IRAG1: variants seen among roughly 807,000 people sequenced by gnomAD.
The protein encoded by IRAG1 is inositol 1,4,5-triphosphate receptor associated 1, also known as IP3R-associated cGMP kinase substrate.
In IRAG1, 62 loss-of-function variants were observed where a neutral mutation model predicts 106.2. The ratio of observed to expected loss-of-function variants is 0.58; its 90% CI spans 0.48 to 0.72. The LOEUF is 0.72. Among genes scored for constraint, IRAG1 ranks in the 30% least tolerant of loss-of-function variants. The pLI is 0.00. For missense variants in IRAG1, 1,064 were observed against 1,140.7 expected, an observed-to-expected ratio of 0.93 and a Z score of 0.97; for synonymous variants, 462 against 443.9, an observed-to-expected ratio of 1.04 and a Z score of -0.51.
In IRAG1 at chr11:10,659,145, CA is replaced by C. The variant is rs1481288976; in HGVS notation, c.68-6964del. 6.6e-6 allele frequency among the ~76,000 whole-genome samples: 1 copy of C among 152,256 alleles called. No individual in the cohort carries two copies. Among genetic ancestry groups the C allele is most frequent in the Non-Finnish European group, 1.5e-5 (1 of 68,046 alleles). On this transcript the variant is annotated intron_variant, in intron 1 of 20. Coordinates refer to ENST00000423302, the MANE Select transcript of IRAG1 (RefSeq NM_130385.4). The surrounding 1 kb of genome is among the most constrained non-coding windows in gnomAD (Gnocchi z 4.1). ...TGTACTCATGATGACTCCCCCAAAA[CA>C]GAGGTTTTTGTTCCACAGGTGAGAC...
rs573964197 is a variant in IRAG1 at position 10,628,710 on chromosome 11, C to G, written c.652+41G>C. On this transcript the variant is annotated intron_variant, in intron 6 of 20. Transcript: ENST00000423302. This position sits in a 1 kb window ranked among gnomAD's most constrained non-coding sequence, Gnocchi z 4.1. ...GTCCAGGCTGAGCTGCCACCCAGAG[C>G]GAGAGGCAGGGCAGGAAGTCCCCGG... The G allele has an allele frequency of 1.4e-6, 2 of 1,458,236 alleles. No individual in the cohort carries two copies. The highest frequency in any genetic ancestry group is 1.5e-5 in the African/African-American group (1 of 68,144). 90.3% of individuals were successfully genotyped at this position (1,458,236 alleles called of 1,614,324 possible).
At chr11:10,620,899 AATAG>A (rs963567602) in intron 10 of IRAG1, among the ~76,000 whole-genome samples, 1 of 152,256 alleles carries the variant, frequency 6.6e-6, no homozygotes, top group Non-Finnish European at 1.5e-5. Context: ...TTCAAAGAAC[AATAG>A]ATAGGTCAAT....
chr11:10,692,386 C>G (rs1438448136), intron 1 of IRAG1, among the ~76,000 whole-genome samples: 1 of 152,186 alleles, frequency 6.6e-6, no homozygotes, highest in African/African-American at 2.4e-5. Context: ...GGTTTGAGTC[C>G]TAGCTCCGCT....
At chr11:10,587,591 C>T (rs1305359667) in intron 18 of IRAG1, among the ~76,000 whole-genome samples, 1 of 152,166 alleles carries the variant, frequency 6.6e-6, no homozygotes, top group African/African-American at 2.4e-5. Flanking sequence ...AGTATAGAAA[C>T]ATGGTTATTT....
chr11:10,691,552 T>C (rs1177599526), intron 1 of IRAG1, among the ~76,000 whole-genome samples: 1 of 152,102 alleles, frequency 6.6e-6, no homozygotes, highest in African/African-American at 2.4e-5. Context: ...TTCAAGTAGG[T>C]TTCACATGGC....
chr11:10,633,902 T>G (rs1262685195), intron 3 of IRAG1, 66 bp downstream of exon 3: 7 of 841,166 alleles, frequency 8.3e-6, no homozygotes, highest in Admixed American at 3.1e-5. Flanking sequence ...TTTAAAAATA[T>G]AGCTGTCTGA....
At chr11:10,594,928 A>C (rs1258346360) in intron 15 of IRAG1, among the ~76,000 whole-genome samples, 1 of 152,012 alleles carries the variant, frequency 6.6e-6, no homozygotes, top group Non-Finnish European at 1.5e-5. Context: ...TTTCAAAAAA[A>C]AATTTTTTTT....
In IRAG1 at chr11:10,627,501, G is replaced by A. The variant is rs111710023; in HGVS notation, c.750+215C>T. On this transcript the variant is annotated intron_variant, in intron 8 of 20. Transcript: ENST00000423302. ...TCAGCGCTGTGAGTATTGCCTCCAC[G>A]GAGTTCACCCCCCTGAATCCTGCCT... Among the ~76,000 whole-genome samples the A allele has an allele frequency of 4.9e-3, 746 of 152,108 alleles. 4 individuals are homozygous for A. Among genetic ancestry groups the A allele is most frequent in the African/African-American group, 0.017 (702 of 41,484 alleles).
At chr11:10,654,850 C>G (rs1215663728) in intron 1 of IRAG1, among the ~76,000 whole-genome samples, 2 of 152,148 alleles carry the variant, frequency 1.3e-5, no homozygotes, top group Non-Finnish European at 2.9e-5. Flanking sequence ...TGGGGAGAAG[C>G]CACATTGGAC....
rs1437564643 is a variant in IRAG1 at position 10,680,402 on chromosome 11, AAG to A, written c.67+13132_67+13133del. On this transcript the variant is annotated intron_variant, in intron 1 of 20. Coordinates refer to ENST00000423302, the MANE Select transcript of IRAG1 (RefSeq NM_130385.4). ...GAAGGAAGGAAGGAAGGAAGGAAGG[AAG>A]GAAAGAAAGGGAAAGAAAGAAAGAG... 6.1e-3 allele frequency among the ~76,000 whole-genome samples: 786 copies of A among 129,760 alleles called. 21 individuals are homozygous for A. Among genetic ancestry groups the A allele is most frequent in the Middle Eastern group, 7.2e-3 (2 of 276 alleles). 85.1% of individuals were successfully genotyped at this position (129,760 alleles called of 152,430 possible).
chr11:10,633,287 G>C lies in IRAG1; in HGVS notation c.329+681C>G, dbSNP rs184877598. Among the ~76,000 whole-genome samples, 11 of 152,228 alleles carry C rather than the reference G, an allele frequency of 7.2e-5. No individual in the cohort carries two copies. The South Asian group carries it at 8.3e-4, about 11-fold the overall frequency. ...AGACGTGGTTTCACTGTGTTAGCCA[G>C]GATGGTCTCGATCTCCTGACCTCAT... On this transcript the variant is annotated intron_variant, in intron 3 of 20. Coordinates refer to ENST00000423302, the MANE Select transcript of IRAG1 (RefSeq NM_130385.4).
intron 1 of IRAG1, among the ~76,000 whole-genome samples, chr11:10,656,627 T>C (rs998765650): frequency 6.6e-6 from 1 of 152,246 alleles, no homozygotes. Context: ...CTATGCTAAA[T>C]GTATTTCAAG....
intron 1 of IRAG1, among the ~76,000 whole-genome samples, chr11:10,680,534 A>AGAAAGGAAGAAAGGAAGGAAGGGGAAGG (rs1564942945): frequency 2.5e-4 from 36 of 141,344 alleles, no homozygotes; most frequent in African/African-American, 9.5e-4. Flanking sequence ...AAAGGAAGGA[A>AGAAAGGAAGAAAGGAAGGAAGGGGAAGG]GGAAGGGGAA....
intron 10 of IRAG1, chr11:10,616,884 A>G: frequency 3.3e-6 from 1 of 300,916 alleles, no homozygotes. Context: ...TTATTTTCAA[A>G]TATATCTCCC....
intron 18 of IRAG1, among the ~76,000 whole-genome samples, chr11:10,588,677 T>TC (rs144143835): frequency 0.021 from 3,135 of 152,076 alleles, 57 homozygotes; most frequent in Middle Eastern, 0.041. Flanking sequence ...AGCTCTCTCT[T>TC]CCCCCCACTT....
chr11:10,609,253 T>C (rs530249086), intron 11 of IRAG1, among the ~76,000 whole-genome samples: 17 of 152,326 alleles, frequency 1.1e-4, no homozygotes, highest in Admixed American at 9.1e-4. Flanking sequence ...CTACCAACTT[T>C]ACTCTTTCAA....
At chr11:10,612,255 T>C (rs1434477420) in intron 10 of IRAG1, among the ~76,000 whole-genome samples, 2 of 152,158 alleles carry the variant, frequency 1.3e-5, no homozygotes, top group African/African-American at 4.8e-5. Flanking sequence ...GTCTCTACAA[T>C]TCCAACCTAA....
chr11:10,690,440 T>G, intron 1 of IRAG1: 3 of 1,275,442 alleles, frequency 2.4e-6, no homozygotes, highest in Non-Finnish European at 3.1e-6. Flanking sequence ...GAGAAAGCCC[T>G]TGCAGAGAAG....
At chr11:10,593,673 A>G in intron 16 of IRAG1, 74 bp from the exon 17 acceptor site, 1 of 1,137,276 alleles carries the variant, frequency 8.8e-7, no homozygotes, top group Non-Finnish European at 1.3e-6. Flanking sequence ...GCTGGGAAAA[A>G]GCCTCCTCAT....
Sources: gnomAD v4.1 joint callset for allele counts (sites outside exome capture counted in the v4.1 genomes callset) on GRCh38, gnomAD v4.1.1 for gene constraint, Gnocchi (gnomAD v3.1) non-coding constraint, MANE v1.5 for transcripts, NCBI Gene and HGNC (gene_info 2026-07-23, HGNC 2026-07-21) for gene names.